TENM2: variants seen among roughly 807,000 people sequenced by gnomAD.
TENM2 encodes teneurin transmembrane protein 2, also known as teneurin-2.
In TENM2, 52 loss-of-function variants were observed where a neutral mutation model predicts 245.2. The observed-to-expected ratio is 0.21, with a 90% CI of 0.17 to 0.27. The LOEUF is 0.27. Ranked by LOEUF, TENM2 falls within the 10% of genes least tolerant of loss-of-function variation. The pLI is 1.00. For missense variants in TENM2, 3,046 were observed against 3,666.8 expected (o/e 0.83, Z 4.37); for synonymous variants, 1,363 against 1,438.9 (o/e 0.95, Z 1.19).
chr5:167,729,691 T>A (rs1206245042), intron 2 of TENM2, among the ~76,000 whole-genome samples: 1 of 152,186 alleles, frequency 6.6e-6, no homozygotes, highest in Non-Finnish European at 1.5e-5. Flanking sequence ...GGTTTGTGAG[T>A]ATTTTTTCCC....
the TENM2 span, among the ~76,000 whole-genome samples, chr5:166,988,676 A>G: frequency 6.6e-6 from 1 of 152,258 alleles, no homozygotes; most frequent in Non-Finnish European, 1.5e-5. Flanking sequence ...CACCAAAATA[A>G]GATATAGAAA....
At chr5:168,009,621 A>C (rs1437793063) in intron 5 of TENM2, among the ~76,000 whole-genome samples, 10 of 152,206 alleles carry the variant, frequency 6.6e-5, no homozygotes, top group Admixed American at 6.5e-4. Flanking sequence ...TAAAGCATCA[A>C]ATAGCATGCT....
At chr5:166,996,797 A>G in the TENM2 span, among the ~76,000 whole-genome samples, 2 of 152,154 alleles carry the variant, frequency 1.3e-5, no homozygotes, top group South Asian at 4.1e-4. Context: ...AATAGACTGA[A>G]TTTTTCCCTC....
intron 2 of TENM2, among the ~76,000 whole-genome samples, chr5:167,486,675 T>C (rs897038204): frequency 2.6e-5 from 4 of 152,176 alleles, no homozygotes; most frequent in Admixed American, 6.5e-5. Flanking sequence ...TGCACTGATA[T>C]ATGCCTAAAG....
intron 2 of TENM2, among the ~76,000 whole-genome samples, chr5:167,771,685 G>T (rs1179204109): frequency 6.6e-6 from 1 of 152,136 alleles, no homozygotes; most frequent in Non-Finnish European, 1.5e-5. Context: ...GCATCTGATG[G>T]CTTCGCTAAT....
chr5:168,236,608 T>C lies in TENM2; in HGVS notation c.5521-7812T>C, dbSNP rs141040917. 6.1e-3 allele frequency among the ~76,000 whole-genome samples: 926 copies of C among 152,256 alleles called. 11 individuals are homozygous for C. Among genetic ancestry groups the C allele is most frequent in the African/African-American group, 0.021 (882 of 41,548 alleles). ...CCTCACTGCCACAGTTCCTTCCCTGTGTCTACTGCCATTACCACACTAAAA... is the reference window on the plus strand; with the variant it reads ...CCTCACTGCCACAGTTCCTTCCCTGCGTCTACTGCCATTACCACACTAAAA... On this transcript the variant is annotated intron_variant, in intron 25 of 28. Transcript: ENST00000518659.
intron 1 of TENM2, among the ~76,000 whole-genome samples, chr5:167,313,184 C>T (rs9687521): frequency 2.0e-4 from 31 of 152,062 alleles, no homozygotes; most frequent in South Asian, 1.5e-3. Context: ...ATTACAAGTG[C>T]GAGCCACCGT....
the TENM2 span, among the ~76,000 whole-genome samples, chr5:167,239,362 T>A: frequency 6.6e-6 from 1 of 152,232 alleles, no homozygotes; most frequent in African/African-American, 2.4e-5. Context: ...TGTTTATACA[T>A]TCTTCATTTC....
At chr5:167,538,007 G>A (rs1771958401) in intron 2 of TENM2, among the ~76,000 whole-genome samples, 1 of 152,208 alleles carries the variant, frequency 6.6e-6, no homozygotes, top group African/African-American at 2.4e-5. Context: ...TGCAGAATGT[G>A]GGACACTGTA....
Position 167,509,511 on chromosome 5 carries a change from T to A in TENM2, c.502+134038T>A, listed in dbSNP as rs188062353. On this transcript the variant is annotated intron_variant, in intron 2 of 28. Coordinates refer to ENST00000518659, the Ensembl canonical transcript of TENM2. ...ATCGACACTTAATTAATGCGTTTAC[T>A]TTTGTTCGATTATTTCTTGGAATTA... is the stretch of plus-strand genomic sequence containing the variant. 3.6e-4 allele frequency among the ~76,000 whole-genome samples: 55 copies of A among 152,346 alleles called. 1 individual carries two copies. The East Asian group carries it at 0.011, about 29-fold the overall frequency.
chr5:167,594,913 C>G (rs1776102085), intron 2 of TENM2, among the ~76,000 whole-genome samples: 1 of 152,192 alleles, frequency 6.6e-6, no homozygotes, highest in Admixed American at 6.5e-5. Flanking sequence ...TTGATTGTTT[C>G]TGGCAGTTTG....
At chr5:167,575,397 G>A (rs930974142) in intron 2 of TENM2, among the ~76,000 whole-genome samples, 2 of 151,926 alleles carry the variant, frequency 1.3e-5, no homozygotes, top group African/African-American at 4.8e-5. Flanking sequence ...TGATTTCAGC[G>A]GCCACGGAAG....
At chr5:167,581,719 CA>C (rs1561572315) in intron 2 of TENM2, among the ~76,000 whole-genome samples, 1 of 152,110 alleles carries the variant, frequency 6.6e-6, no homozygotes, top group Non-Finnish European at 1.5e-5. Context: ...AGTATGAGTA[CA>C]TTCCCGATAA....
At chr5:168,064,224 A>G (rs1343277363) in intron 7 of TENM2, among the ~76,000 whole-genome samples, 1 of 152,150 alleles carries the variant, frequency 6.6e-6, no homozygotes, top group Non-Finnish European at 1.5e-5. Flanking sequence ...CTTGACCTTC[A>G]GGCTCCACTG....
chr5:167,364,489 T>C (rs1759918577), intron 1 of TENM2, among the ~76,000 whole-genome samples: 1 of 152,122 alleles, frequency 6.6e-6, no homozygotes, highest in South Asian at 2.1e-4. Flanking sequence ...TTGACTATCA[T>C]ACCAATTAAA....
At chr5:167,825,758 G>A (rs1160526620) in intron 2 of TENM2, among the ~76,000 whole-genome samples, 1 of 151,844 alleles carries the variant, frequency 6.6e-6, no homozygotes, top group Non-Finnish European at 1.5e-5. Context: ...AGAGGGCCGG[G>A]CATTTAATAT....
At chr5:167,334,229 G>A (rs780230319) in intron 1 of TENM2, among the ~76,000 whole-genome samples, 3 of 152,176 alleles carry the variant, frequency 2.0e-5, no homozygotes, top group Non-Finnish European at 4.4e-5. Flanking sequence ...AGGAAAGGGT[G>A]GAGTTGGGTT....
chr5:167,698,778 G>T (rs1300126132), intron 2 of TENM2, among the ~76,000 whole-genome samples: 2 of 148,244 alleles, frequency 1.3e-5, no homozygotes, highest in Non-Finnish European at 3.0e-5. Flanking sequence ...CCTCCTCCCG[G>T]ATTCACGCCT....
chr5:168,008,164 C>T (rs775395694), intron 5 of TENM2, among the ~76,000 whole-genome samples: 11 of 152,222 alleles, frequency 7.2e-5, no homozygotes, highest in Admixed American at 2.0e-4. Context: ...GGTTCTAGGC[C>T]GACCCAGACC....
Sources: gnomAD v4.1 joint callset for allele counts (sites outside exome capture counted in the v4.1 genomes callset) on GRCh38, gnomAD v4.1.1 for gene constraint, MANE v1.5 for transcripts, NCBI Gene and HGNC (gene_info 2026-07-23, HGNC 2026-07-21) for gene names.